Variants in ANKRD10 observed in about 807,000 individuals in gnomAD.
ANKRD10 encodes the protein ankyrin repeat domain 10, also known as ankyrin repeat domain-containing protein 10.
ANKRD10 carries 14 observed loss-of-function variants against 27.0 expected under a neutral mutation model. The observed-to-expected ratio is 0.52, with a 90% confidence interval of 0.34 to 0.81. The LOEUF (loss-of-function observed/expected upper bound fraction) is 0.81. Among genes scored for constraint, ANKRD10 ranks in the 40% least tolerant of loss-of-function variants. The pLI is 0.01. For synonymous variants in ANKRD10, 250 were observed against 224.5 expected (o/e 1.11, Z -1.01); for missense variants, 493 against 544.0 (o/e 0.91, Z 0.93).
chr13:110,894,402 G>GCAAAAAAAAAA (rs2065165441), intron 3 of ANKRD10: 1 of 11,460 alleles, frequency 8.7e-5, no homozygotes, highest in Non-Finnish European at 1.8e-4. Context: ...TACTGTTAAT[G>GCAAAAAAAAAA]CAAAAAAAAA....
intron 4 of ANKRD10, among the ~76,000 whole-genome samples, chr13:110,889,567 T>G (rs1050399545): frequency 1.5e-4 from 23 of 152,240 alleles, no homozygotes; most frequent in African/African-American, 5.5e-4. Flanking sequence ...TCTTCTTCAC[T>G]TAAGATCTTT....
At chr13:110,892,367 T>C (rs1451605055) in intron 4 of ANKRD10, among the ~76,000 whole-genome samples, 1 of 119,264 alleles carries the variant, frequency 8.4e-6, no homozygotes, top group African/African-American at 3.3e-5. Context: ...GAGCCGGAGG[T>C]TGCAGTGAGC....
chr13:110,910,448 A>G (rs1400834310), intron 2 of ANKRD10, among the ~76,000 whole-genome samples, 170 bp downstream of exon 2: 1 of 152,226 alleles, frequency 6.6e-6, no homozygotes, highest in African/African-American at 2.4e-5. Flanking sequence ...ATTCCTATGG[A>G]AAGGGCCTAC....
chr13:110,894,089 A>G (rs1204950893), intron 3 of ANKRD10: 1 of 1,524,750 alleles, frequency 6.6e-7, no homozygotes, highest in South Asian at 1.1e-5. Context: ...AATAAAATAG[A>G]GTAAGTTGAA....
At chr13:110,903,517 A>T (rs2065442801) in intron 3 of ANKRD10, 1 of 154,790 alleles carries the variant, frequency 6.5e-6, no homozygotes, top group South Asian at 2.0e-4. Flanking sequence ...AGCAGCTGAA[A>T]TGCGTTATCT....
intron 1 of ANKRD10, 158 bp downstream of exon 1, chr13:110,914,567 C>A (rs973246056): frequency 1.9e-6 from 2 of 1,071,364 alleles, no homozygotes; most frequent in East Asian, 3.3e-5. Flanking sequence ...CGAGCGCTGC[C>A]GCACAGGCGC....
At chr13:110,880,238 C>CT (rs769078157) in intron 5 of ANKRD10, 126 bp from the exon 6 acceptor site, 1 of 821,366 alleles carries the variant, frequency 1.2e-6, no homozygotes, top group Non-Finnish European at 1.9e-6. Context: ...TAAACCAGTT[C>CT]TTTTTTCAAA....
At chr13:110,908,137 C>G (rs183265400) in intron 2 of ANKRD10, among the ~76,000 whole-genome samples, 1 of 152,272 alleles carries the variant, frequency 6.6e-6, no homozygotes, top group African/African-American at 2.4e-5. Flanking sequence ...GCAGCCACAG[C>G]AAATTGAGTG....
At chr13:110,887,055 G>C (rs2064949791) in intron 4 of ANKRD10, among the ~76,000 whole-genome samples, 1 of 152,154 alleles carries the variant, frequency 6.6e-6, no homozygotes, top group Admixed American at 6.5e-5. Flanking sequence ...GCCAGGTGTG[G>C]TCACTGCCTG....
At chr13:110,906,163 C>T (rs1166522721) in intron 2 of ANKRD10, 39 bp from the exon 3 acceptor site, 3 of 1,489,400 alleles carry the variant, frequency 2.0e-6, no homozygotes, top group Non-Finnish European at 2.7e-6. Flanking sequence ...ATACTTAGAA[C>T]AAAACTTCTG....
rs1367441363 is a variant in ANKRD10, at chr13:110,914,725, C to T, written c.210G>A (p.Lys70=). The T allele has an allele frequency of 1.3e-6, 2 of 1,579,610 alleles. No individual in the cohort carries two copies. The highest frequency in any genetic ancestry group is 1.4e-5 in the African/African-American group (1 of 73,778). Residue 70 remains lysine, a splice_region_variant and synonymous_variant, in exon 1 of 6, where the codon AAG becomes AAA. Coordinates refer to ENST00000267339, the MANE Select transcript of ANKRD10 (RefSeq NM_017664.4). ...TPVHWAAHFG[K]LECLVQLVRA... is the part of the protein sequence containing the mutation. The stretch of plus-strand genomic sequence containing the variant: ...GGCGCCTTAAAGCGTTCGCACCCAC[C>T]TTGCCGAAATGCGCGGCCCAGTGCA...
At chr13:110,887,963 G>A (rs2064976691) in intron 4 of ANKRD10, among the ~76,000 whole-genome samples, 1 of 152,186 alleles carries the variant, frequency 6.6e-6, no homozygotes, top group Non-Finnish European at 1.5e-5. Context: ...GCCATTACCT[G>A]GAACTATTCT....
At chr13:110,900,920 CT>C (rs2065364704) in intron 3 of ANKRD10, among the ~76,000 whole-genome samples, 1 of 152,078 alleles carries the variant, frequency 6.6e-6, no homozygotes, top group Admixed American at 6.5e-5. Context: ...AAAACACTGC[CT>C]TTTAAATTAC....
chr13:110,883,392 G>T, intron 5 of ANKRD10: 1 of 495,428 alleles, frequency 2.0e-6, no homozygotes, highest in Non-Finnish European at 2.8e-6. Flanking sequence ...AATAAAGATT[G>T]CACTTACATT....
Position 110,878,865 on chromosome 13 carries a change from G to A in ANKRD10, c.*772C>T, listed in dbSNP as rs1215005744. On this transcript the variant is annotated 3_prime_UTR_variant, in exon 6 of 6. Coordinates refer to ENST00000267339, the MANE Select transcript of ANKRD10 (RefSeq NM_017664.4). ...AAAACAAGGAAAAAAGAAAATACAT[G>A]TCAACAGTCAGTTAAATATTTTGAC... 6.6e-6 allele frequency: 1 copy of A among 152,372 alleles called. No individual in the cohort carries two copies. The highest frequency in any genetic ancestry group is 1.5e-5 in the Non-Finnish European group (1 of 68,040). 9.4% of individuals were successfully genotyped at this position (152,372 alleles called of 1,614,324 possible).
At chr13:110,893,471 CTAAA>C (rs1285703589) in intron 3 of ANKRD10, among the ~76,000 whole-genome samples, 2 of 152,190 alleles carry the variant, frequency 1.3e-5, no homozygotes, top group African/African-American at 2.4e-5. Flanking sequence ...GGGAGATAAA[CTAAA>C]TATGCTAAAC....
At chr13:110,889,609 C>T (rs1176522655) in intron 4 of ANKRD10, among the ~76,000 whole-genome samples, 2 of 152,180 alleles carry the variant, frequency 1.3e-5, no homozygotes, top group African/African-American at 2.4e-5. Context: ...AAAATTCCTC[C>T]AATTTAAAAT....
intron 4 of ANKRD10, among the ~76,000 whole-genome samples, chr13:110,884,940 G>A (rs1386252884): frequency 1.3e-5 from 2 of 151,756 alleles, no homozygotes; most frequent in African/African-American, 4.8e-5. Flanking sequence ...TATGATATCT[G>A]GATTATTCTA....
intron 4 of ANKRD10, among the ~76,000 whole-genome samples, chr13:110,887,302 A>G (rs1396898309): frequency 2.0e-5 from 3 of 152,296 alleles, no homozygotes; most frequent in African/African-American, 7.2e-5. Flanking sequence ...AAACCATGAA[A>G]AAAGTCTTAG....
Sources: allele counts gnomAD v4.1 joint callset (sites outside exome capture counted in the v4.1 genomes callset), GRCh38; gene constraint gnomAD v4.1.1; transcripts MANE v1.5; gene names NCBI Gene and HGNC (gene_info 2026-07-23, HGNC 2026-07-21).